PRKD1: variants seen among roughly 807,000 people sequenced by gnomAD.
PRKD1 encodes protein kinase D1, also known as serine/threonine-protein kinase D1.
A neutral mutation model predicts 95.9 loss-of-function variants in PRKD1; 63 were observed. That is an observed-to-expected ratio of 0.66 (90% CI 0.54 to 0.81). The LOEUF (loss-of-function observed/expected upper bound fraction) is 0.81. Ranked by LOEUF, PRKD1 falls within the 30% of genes least tolerant of loss-of-function variation. The pLI, the probability that PRKD1 is intolerant of heterozygous loss-of-function variation, is 0.00. For missense variants in PRKD1, 1,048 were observed against 1,165.3 expected, an observed-to-expected ratio of 0.90 and a Z score of 1.47; for synonymous variants, 425 against 423.1, an observed-to-expected ratio of 1.00 and a Z score of -0.05.
intron 1 of PRKD1, among the ~76,000 whole-genome samples, chr14:29,843,645 T>C (rs529262310): frequency 6.6e-6 from 1 of 152,350 alleles, no homozygotes; most frequent in South Asian, 2.1e-4. Flanking sequence ...TGAGCATCTA[T>C]ACTATGTGCC....
chr14:29,636,255 C>A, intron 7 of PRKD1, 35 bp downstream of exon 7: 1 of 1,611,616 alleles, frequency 6.2e-7, no homozygotes, highest in South Asian at 1.1e-5. Flanking sequence ...GCCTGGGGTT[C>A]CCCTGTTGGC....
At chr14:29,884,694 T>C (rs1008736346) in intron 1 of PRKD1, among the ~76,000 whole-genome samples, 1 of 152,152 alleles carries the variant, frequency 6.6e-6, no homozygotes, top group East Asian at 1.9e-4. Context: ...CAAAGACAGA[T>C]GCTAGGATAT....
At chr14:29,883,894 T>C (rs941717143) in intron 1 of PRKD1, among the ~76,000 whole-genome samples, 1 of 152,200 alleles carries the variant, frequency 6.6e-6, no homozygotes, top group East Asian at 1.9e-4. Context: ...CTGACCCTGT[T>C]AGGTGGCTGA....
chr14:29,612,728 T>C (rs1180198016), intron 13 of PRKD1, among the ~76,000 whole-genome samples: 1 of 152,210 alleles, frequency 6.6e-6, no homozygotes, highest in Non-Finnish European at 1.5e-5. Flanking sequence ...CTATACAGTT[T>C]ATTTTGGAAC....
chr14:29,820,786 G>A (rs1052426624), intron 1 of PRKD1, among the ~76,000 whole-genome samples: 3 of 152,196 alleles, frequency 2.0e-5, no homozygotes, highest in Non-Finnish European at 2.9e-5. Context: ...TAAAGAAAGG[G>A]AAGGGAGAAA....
At chr14:29,578,466 G>C in intron 16 of PRKD1, 106 bp from the exon 17 acceptor site, 2 of 482,328 alleles carry the variant, frequency 4.1e-6, no homozygotes, top group South Asian at 4.0e-5. Flanking sequence ...ATGCAGCATA[G>C]TGACAAGGCA....
intron 4 of PRKD1, among the ~76,000 whole-genome samples, chr14:29,655,220 T>C (rs1390118297): frequency 3.3e-5 from 5 of 152,218 alleles, no homozygotes; most frequent in Non-Finnish European, 5.9e-5. Flanking sequence ...AAACCAAATT[T>C]ACAAGACTAT....
At chr14:29,654,906 CTG>C (rs1370336990) in intron 4 of PRKD1, among the ~76,000 whole-genome samples, 1 of 152,210 alleles carries the variant, frequency 6.6e-6, no homozygotes, top group Non-Finnish European at 1.5e-5. Flanking sequence ...AGAGAAAAGT[CTG>C]TTATCTTTTT....
At chr14:29,638,397 C>A in intron 6 of PRKD1, 92 bp downstream of exon 6, 1 of 1,430,146 alleles carries the variant, frequency 7.0e-7, no homozygotes, top group South Asian at 1.2e-5. Flanking sequence ...ATATCTGAAC[C>A]AAAACCAAAA....
intron 2 of PRKD1, among the ~76,000 whole-genome samples, chr14:29,689,112 A>G (rs1019314993): frequency 1.3e-5 from 2 of 152,030 alleles, no homozygotes; most frequent in African/African-American, 4.8e-5. Context: ...AAAATGACAA[A>G]TAGGATCTAA....
intron 1 of PRKD1, among the ~76,000 whole-genome samples, chr14:29,730,745 G>C (rs1034139251): frequency 6.6e-6 from 1 of 152,092 alleles, no homozygotes; most frequent in Non-Finnish European, 1.5e-5. Flanking sequence ...AGAATAATAC[G>C]TTAAGTGAAA....
chr14:29,744,122 G>A (rs1887106110), intron 1 of PRKD1, among the ~76,000 whole-genome samples: 1 of 151,994 alleles, frequency 6.6e-6, no homozygotes, highest in Non-Finnish European at 1.5e-5. Flanking sequence ...CTCTATCATT[G>A]AGCCTCCCCT....
intron 1 of PRKD1, among the ~76,000 whole-genome samples, chr14:29,839,672 C>T (rs1453622904): frequency 1.3e-5 from 2 of 152,020 alleles, no homozygotes; most frequent in Non-Finnish European, 2.9e-5. Flanking sequence ...GCTTGGACAT[C>T]CCAGCATTTC....
rs143459508 is a variant in PRKD1, at chr14:29,925,643, G to A, written c.264+1606C>T. ...CCCATTCTGAACTCCAGGAGGAAGTGGGGGGCGGGGTGGAGGGAGAATTCA... is the reference window on the plus strand; with the variant it reads ...CCCATTCTGAACTCCAGGAGGAAGTAGGGGGCGGGGTGGAGGGAGAATTCA... On this transcript the variant is annotated intron_variant, in intron 1 of 17. Transcript: ENST00000331968. Among the ~76,000 whole-genome samples the A allele has an allele frequency of 1.3e-4, 20 of 152,304 alleles. No homozygotes were observed. The East Asian group carries it at 3.9e-3, about 29-fold the overall frequency.
At chr14:29,824,141 G>C (rs1891024806) in intron 1 of PRKD1, among the ~76,000 whole-genome samples, 1 of 152,126 alleles carries the variant, frequency 6.6e-6, no homozygotes, top group Non-Finnish European at 1.5e-5. Context: ...TTCTGTATTT[G>C]AAAGGTTCTT....
intron 12 of PRKD1, among the ~76,000 whole-genome samples, chr14:29,624,647 G>A (rs1036355664): frequency 6.6e-6 from 1 of 152,034 alleles, no homozygotes; most frequent in African/African-American, 2.4e-5. Context: ...GTATGTTATA[G>A]GGGAAAGAAT....
At chr14:29,632,717 T>C (rs1054741918) in intron 9 of PRKD1, 152 bp downstream of exon 9, 29 of 606,988 alleles carry the variant, frequency 4.8e-5, no homozygotes, top group Non-Finnish European at 6.7e-5. Flanking sequence ...CCCAAGAAAT[T>C]TGTAGACTAT....
At chr14:29,711,517 G>A (rs980918819) in intron 2 of PRKD1, among the ~76,000 whole-genome samples, 4 of 152,172 alleles carry the variant, frequency 2.6e-5, no homozygotes, top group East Asian at 1.9e-4. Context: ...AATATGAAAC[G>A]GGGAGATTCA....
intron 15 of PRKD1, among the ~76,000 whole-genome samples, chr14:29,598,560 T>C (rs1330403181): frequency 6.6e-6 from 1 of 152,124 alleles, no homozygotes; most frequent in Non-Finnish European, 1.5e-5. Flanking sequence ...CTGGCACATA[T>C]ATAGGCAGGA....
Sources: allele counts gnomAD v4.1 joint callset (sites outside exome capture counted in the v4.1 genomes callset), GRCh38; gene constraint gnomAD v4.1.1; transcripts MANE v1.5; gene names NCBI Gene and HGNC (gene_info 2026-07-23, HGNC 2026-07-21).